CNBD1: variants seen among roughly 807,000 people sequenced by gnomAD.
CNBD1 encodes the protein cyclic nucleotide-binding domain-containing protein 1.
CNBD1 carries 71 observed loss-of-function variants against 54.4 expected under a neutral mutation model. The ratio of observed to expected loss-of-function variants is 1.30; its 90% CI spans 1.08 to 1.59. The LOEUF (loss-of-function observed/expected upper bound fraction) is 1.59, where lower values mean the gene tolerates loss of function less well. Ranked by LOEUF, CNBD1 falls within the 40% of genes most tolerant of loss-of-function variation. The pLI, the probability that CNBD1 is intolerant of heterozygous loss-of-function variation, is 0.00. For synonymous variants in CNBD1, 182 were observed against 170.7 expected, an observed-to-expected ratio of 1.07 and a Z score of -0.51; for missense variants, 659 against 518.0, an observed-to-expected ratio of 1.27 and a Z score of -2.64.
chr8:87,399,002 C>T (rs1811455533), intron 2 of CNBD1, among the ~76,000 whole-genome samples: 1 of 151,960 alleles, frequency 6.6e-6, no homozygotes, highest in South Asian at 2.1e-4. Context: ...TTATTTGAAT[C>T]AAGGAGATCC....
intron 4 of CNBD1, among the ~76,000 whole-genome samples, chr8:87,031,446 A>T (rs1809789054): frequency 6.6e-6 from 1 of 152,136 alleles, no homozygotes; most frequent in Non-Finnish European, 1.5e-5. Flanking sequence ...AGTAGGGCTC[A>T]TTTTGATTAG....
At chr8:87,427,064 A>G (rs1808063132) in intron 2 of CNBD1, among the ~76,000 whole-genome samples, 3 of 152,126 alleles carry the variant, frequency 2.0e-5, no homozygotes, top group East Asian at 1.9e-4. Flanking sequence ...CATTGAACAG[A>G]TAATGGAAGG....
At chr8:87,298,461 A>G (rs1808921803) in intron 8 of CNBD1, among the ~76,000 whole-genome samples, 1 of 151,244 alleles carries the variant, frequency 6.6e-6, no homozygotes, top group Admixed American at 6.6e-5. Context: ...CTTTAGCTTC[A>G]AATGTGCCTT....
chr8:87,363,772 A>G (rs1047800508), intron 10 of CNBD1, among the ~76,000 whole-genome samples: 2 of 151,998 alleles, frequency 1.3e-5, no homozygotes. Flanking sequence ...TCAGATGGAT[A>G]GATTGCAAAA....
intron 4 of CNBD1, among the ~76,000 whole-genome samples, chr8:87,066,072 G>C (rs1446673147): frequency 5.9e-5 from 9 of 152,000 alleles, no homozygotes; most frequent in African/African-American, 2.2e-4. Flanking sequence ...TAGTGACCCA[G>C]TGTTGTCAGC....
At chr8:87,098,744 A>T (rs984124148) in intron 4 of CNBD1, among the ~76,000 whole-genome samples, 2 of 151,688 alleles carry the variant, frequency 1.3e-5, no homozygotes, top group African/African-American at 4.8e-5. Flanking sequence ...AAAAAAAAAA[A>T]AAAAACTCCT....
chr8:87,332,084 A>G (rs1809846131), intron 8 of CNBD1, among the ~76,000 whole-genome samples: 1 of 152,128 alleles, frequency 6.6e-6, no homozygotes, highest in African/African-American at 2.4e-5. Flanking sequence ...GTTGGGGCTC[A>G]TACTTGTAAT....
At chr8:87,077,477 T>C (rs183893325) in intron 4 of CNBD1, among the ~76,000 whole-genome samples, 2 of 151,068 alleles carry the variant, frequency 1.3e-5, no homozygotes, top group East Asian at 3.9e-4. Context: ...TTGTTACATA[T>C]GTATACATGT....
At chr8:87,321,746 G>A (rs896377854) in intron 8 of CNBD1, among the ~76,000 whole-genome samples, 9 of 150,138 alleles carry the variant, frequency 6.0e-5, no homozygotes, top group East Asian at 2.0e-4. Context: ...TTTTGGTGTC[G>A]TATCCAAGAA....
At chr8:87,388,990 C>T (rs563156238) in intron 2 of CNBD1, among the ~76,000 whole-genome samples, 5,322 of 152,016 alleles carry the variant, frequency 0.035, 284 homozygotes, top group African/African-American at 0.12. Flanking sequence ...ACAGAACCAA[C>T]GACAAAAACC....
intron 4 of CNBD1, among the ~76,000 whole-genome samples, chr8:87,040,542 G>A (rs2130608640): frequency 6.7e-6 from 1 of 150,032 alleles, no homozygotes; most frequent in Non-Finnish European, 1.5e-5. Flanking sequence ...TCCTGCCTCA[G>A]CCTCCCATGT....
intron 4 of CNBD1, among the ~76,000 whole-genome samples, chr8:87,170,577 G>C (rs1813064955): frequency 6.6e-6 from 1 of 152,054 alleles, no homozygotes; most frequent in Admixed American, 6.6e-5. Context: ...TATGATACTA[G>C]CTATGGGTCT....
At chr8:87,079,819 A>T (rs1308216725) in intron 4 of CNBD1, among the ~76,000 whole-genome samples, 5 of 152,006 alleles carry the variant, frequency 3.3e-5, no homozygotes, top group Non-Finnish European at 2.9e-5. Flanking sequence ...GGATACTTTT[A>T]TTGTAATAAA....
intron 10 of CNBD1, among the ~76,000 whole-genome samples, chr8:87,360,587 T>C (rs1810506229): frequency 6.6e-6 from 1 of 151,968 alleles, no homozygotes; most frequent in Admixed American, 6.6e-5. Context: ...TCAATATAAC[T>C]ATTTTAATTT....
At chr8:87,339,850 C>T (rs372612590) in intron 8 of CNBD1, among the ~76,000 whole-genome samples, 3 of 152,192 alleles carry the variant, frequency 2.0e-5, no homozygotes, top group African/African-American at 7.2e-5. Context: ...TATTTATTAA[C>T]GTATTTCTAT....
chr8:86,875,020 ATG>A (rs1554626868), intron 1 of CNBD1, among the ~76,000 whole-genome samples: 14 of 132,758 alleles, frequency 1.1e-4, no homozygotes, highest in African/African-American at 3.8e-4. Context: ...ATATATATAT[ATG>A]TATTAAAAAT....
At position 87,390,870 on chromosome 8, in the gene CNBD1, A is replaced by G. The variant is rs536224822; in HGVS notation, c.213+37084A>G. 3.9e-3 allele frequency among the ~76,000 whole-genome samples: 594 copies of G among 152,372 alleles called. 7 individuals carry two copies. The highest frequency in any genetic ancestry group is 0.014 in the African/African-American group (569 of 41,590). On this transcript the variant is annotated intron_variant, in intron 2 of 7. Coordinates refer to the CNBD1 transcript ENST00000521593. ...TGTCCAACAATGATAGACTGGATTA[A>G]GAAAATATGGCACATATACACTATG... is the stretch of plus-strand genomic sequence containing the variant.
At chr8:87,191,182 C>T (rs1381427732) in intron 4 of CNBD1, among the ~76,000 whole-genome samples, 4 of 151,734 alleles carry the variant, frequency 2.6e-5, no homozygotes, top group African/African-American at 9.7e-5. Flanking sequence ...AGCAGAAGGC[C>T]CAAGAGTCCC....
At chr8:87,160,119 TTATCA>T (rs1298367926) in intron 4 of CNBD1, among the ~76,000 whole-genome samples, 1 of 152,056 alleles carries the variant, frequency 6.6e-6, no homozygotes, top group African/African-American at 2.4e-5. Context: ...TGGAAGATGA[TTATCA>T]TATCATTTGA....
Sources: allele counts gnomAD v4.1 joint callset (sites outside exome capture counted in the v4.1 genomes callset), GRCh38; gene constraint gnomAD v4.1.1; transcripts MANE v1.5; gene names NCBI Gene and HGNC (gene_info 2026-07-23, HGNC 2026-07-21).